The following RORA variants were observed in gnomAD, a reference collection of about 807,000 sequenced individuals.
RORA encodes the protein nuclear receptor ROR-alpha.
In RORA, 7 loss-of-function variants were observed where a neutral mutation model predicts 69.5. The observed-to-expected ratio is 0.10, with a 90% CI of 0.06 to 0.19. The LOEUF (loss-of-function observed/expected upper bound fraction) is 0.19. Among genes scored for constraint, RORA ranks in the 10% least tolerant of loss-of-function variants. RORA has a pLI of 1.00. For missense variants in RORA, 457 were observed against 663.0 expected (o/e 0.69, Z 3.41); for synonymous variants, 261 against 240.8 (o/e 1.08, Z -0.78).
intron 1 of RORA, among the ~76,000 whole-genome samples, chr15:60,982,450 T>C (rs1243678583): frequency 6.6e-6 from 1 of 152,232 alleles, no homozygotes; most frequent in African/African-American, 2.4e-5. Context: ...TCCATTGCCT[T>C]AGACAGTAGA....
intron 3 of RORA, among the ~76,000 whole-genome samples, chr15:60,519,157 G>C (rs752499641): frequency 6.6e-6 from 1 of 152,084 alleles, no homozygotes; most frequent in Non-Finnish European, 1.5e-5. Context: ...TGAGGCTAAG[G>C]GGGGACTACT....
chr15:60,878,485 A>G (rs542864400), intron 1 of RORA, among the ~76,000 whole-genome samples: 2 of 152,282 alleles, frequency 1.3e-5, no homozygotes, highest in African/African-American at 2.4e-5. Flanking sequence ...TGTGACTCAG[A>G]AGGAGGGAAA....
At position 60,613,730 on chromosome 15, in the gene RORA, G is replaced by GTA. The variant is rs1354113173; in HGVS notation, c.196+64926_196+64927insTA. ...TGTGTGTGTGTGTGTGTGTGTGTGTGTGTGTGTGTGTTAGGATTACAGCCA... is the reference window on the plus strand; with the variant it reads ...TGTGTGTGTGTGTGTGTGTGTGTGTGTATGTGTGTGTGTTAGGATTACAGCCA... On this transcript the variant is annotated intron_variant, in intron 2 of 10. Transcript: ENST00000335670. Among the ~76,000 whole-genome samples, 118 of 147,336 alleles carry GTA rather than the reference G, an allele frequency of 8.0e-4. No individual in the cohort carries two copies. In the East Asian group the frequency reaches 0.015, roughly 18 times the overall value.
intron 1 of RORA, among the ~76,000 whole-genome samples, chr15:60,742,342 T>G (rs2140850341): frequency 6.6e-6 from 1 of 152,184 alleles, no homozygotes; most frequent in East Asian, 1.9e-4. Context: ...CAAACCCCAC[T>G]ACACACAGAG....
At chr15:61,080,581 A>G (rs1380169749) in intron 1 of RORA, among the ~76,000 whole-genome samples, 3 of 152,214 alleles carry the variant, frequency 2.0e-5, no homozygotes, top group African/African-American at 7.2e-5. Flanking sequence ...CTGCTGCCCC[A>G]TCTTGTGCCT....
intron 2 of RORA, among the ~76,000 whole-genome samples, chr15:60,614,568 C>T (rs1596060254): frequency 6.6e-6 from 1 of 152,092 alleles, no homozygotes; most frequent in East Asian, 1.9e-4. Flanking sequence ...GAATGCAGTT[C>T]ACGGACAATC....
At chr15:60,805,623 C>T (rs370688564) in intron 1 of RORA, among the ~76,000 whole-genome samples, 1 of 152,158 alleles carries the variant, frequency 6.6e-6, no homozygotes, top group Admixed American at 6.5e-5. Flanking sequence ...AGTTAGCACT[C>T]AATCCATGTT....
At chr15:60,670,839 A>G (rs989009271) in intron 2 of RORA, among the ~76,000 whole-genome samples, 1 of 152,120 alleles carries the variant, frequency 6.6e-6, no homozygotes. Context: ...TAAAGAAATC[A>G]GTGTAAAAAA....
chr15:60,502,804 T>C lies in RORA; in HGVS notation c.1139A>G (p.Tyr380Cys). 4.3e-6 allele frequency: 7 copies of C among 1,614,074 alleles called. No individual in the cohort carries two copies. Among genetic ancestry groups the C allele is most frequent in the Non-Finnish European group, 5.9e-6 (7 of 1,179,940 alleles). Reference protein sequence around the residue: ...RAFDSQNNTVYFDGKYASPDV... With the variant: ...RAFDSQNNTVCFDGKYASPDV... ...GGGGCTGGCATACTTCCCATCAAAG[T>C]ACACGGTGTTGTTCTGAGAGTCAAA... The change falls in exon 8 of 11, where the codon TAC becomes TGC. Residue 380 changes from tyrosine (Y) to cysteine (C), a missense_variant. Tyr to Cys is a radical substitution (Grantham distance 194). This residue lies in a region of RORA where 304 missense variants were observed against 447.4 expected (regional missense o/e 0.68). Transcript: ENST00000335670.
chr15:60,540,136 A>C (rs2066814294), intron 2 of RORA, among the ~76,000 whole-genome samples: 1 of 152,248 alleles, frequency 6.6e-6, no homozygotes, highest in African/African-American at 2.4e-5. Flanking sequence ...AAAAAAAGTC[A>C]TCTGACTCAC....
At chr15:61,114,411 G>A (rs558363473) in intron 1 of RORA, among the ~76,000 whole-genome samples, 15 of 152,180 alleles carry the variant, frequency 9.9e-5, no homozygotes, top group Non-Finnish European at 2.2e-4. Flanking sequence ...ACAGGGGAGT[G>A]GGGACCTATG....
At chr15:60,694,335 A>T (rs565795378) in intron 1 of RORA, among the ~76,000 whole-genome samples, 1 of 152,286 alleles carries the variant, frequency 6.6e-6, no homozygotes, top group East Asian at 1.9e-4. Flanking sequence ...CCATGCCCAC[A>T]TCAAAAGTCA....
rs143378696 is a variant in RORA at position 60,804,589 on chromosome 15, T to C, written c.167-125903A>G. 3.2e-3 allele frequency among the ~76,000 whole-genome samples: 494 copies of C among 152,320 alleles called. 1 individual carries two copies. Among genetic ancestry groups the C allele is most frequent in the Admixed American group, 7.2e-3 (110 of 15,306 alleles). ...TCGTGAATCAGGGCCATTTAAAATG[T>C]GGCTAAGTGAGTTTGATTGCTTAAG... On this transcript the variant is annotated intron_variant, in intron 1 of 10. Transcript: ENST00000335670.
intron 1 of RORA, among the ~76,000 whole-genome samples, chr15:60,692,605 T>C (rs2070843814): frequency 6.6e-6 from 1 of 152,224 alleles, no homozygotes; most frequent in Admixed American, 6.5e-5. Flanking sequence ...TTTAAAATGC[T>C]TTAGCAAAGG....
chr15:60,869,925 C>G (rs1207313410), intron 1 of RORA, among the ~76,000 whole-genome samples: 1 of 152,214 alleles, frequency 6.6e-6, no homozygotes, highest in East Asian at 1.9e-4. Context: ...CATTGCACCA[C>G]TCAGAATTCA....
At chr15:60,745,538 C>T (rs566670864) in intron 1 of RORA, among the ~76,000 whole-genome samples, 40 of 152,300 alleles carry the variant, frequency 2.6e-4, no homozygotes, top group African/African-American at 8.9e-4. Context: ...AGGAGCTGGC[C>T]TGCTTTCCTT....
At chr15:60,705,575 C>G (rs578090663) in intron 1 of RORA, among the ~76,000 whole-genome samples, 23 of 152,130 alleles carry the variant, frequency 1.5e-4, no homozygotes, top group Non-Finnish European at 2.9e-4. Flanking sequence ...CGAGACAAGG[C>G]CATTTTCTAA....
chr15:60,541,517 T>C (rs1021608849), intron 2 of RORA, among the ~76,000 whole-genome samples: 1 of 152,224 alleles, frequency 6.6e-6, no homozygotes, highest in Non-Finnish European at 1.5e-5. Flanking sequence ...TATTTGTGGA[T>C]AGCTGAAGCA....
chr15:61,121,004 C>A (rs548640893), intron 1 of RORA, among the ~76,000 whole-genome samples: 1 of 151,752 alleles, frequency 6.6e-6, no homozygotes, highest in Non-Finnish European at 1.5e-5. Context: ...CCTGCCACCA[C>A]ACCCGGCTAA....
Sources: gnomAD v4.1 joint callset for allele counts (sites outside exome capture counted in the v4.1 genomes callset) on GRCh38, gnomAD v4.1.1 for gene constraint, gnomAD v4.1.1 regional missense constraint, MANE v1.5 for transcripts, NCBI Gene and HGNC (gene_info 2026-07-23, HGNC 2026-07-21) for gene names.